VTI1A: variants seen among roughly 807,000 people sequenced by gnomAD.
VTI1A encodes the protein vesicle transport through interaction with t-SNAREs 1A.
VTI1A carries 22 observed loss-of-function variants against 34.9 expected under a neutral mutation model. That is an observed-to-expected ratio of 0.63 (90% CI 0.45 to 0.90). VTI1A has a LOEUF of 0.90. Among genes scored for constraint, VTI1A ranks in the 40% least tolerant of loss-of-function variants. The pLI, the probability that VTI1A is intolerant of heterozygous loss-of-function variation, is 0.00. For synonymous variants in VTI1A, 87 were observed against 97.3 expected (o/e 0.89, Z 0.62); for missense variants, 268 against 275.6 (o/e 0.97, Z 0.20).
chr10:112,669,501 G>A (rs1459828232), intron 7 of VTI1A, among the ~76,000 whole-genome samples: 2 of 152,132 alleles, frequency 1.3e-5, no homozygotes, highest in African/African-American at 4.8e-5. Flanking sequence ...AATAATATGT[G>A]CTAAGAAACA....
At chr10:112,712,491 C>G (rs142547146) in intron 7 of VTI1A, among the ~76,000 whole-genome samples, 1 of 151,358 alleles carries the variant, frequency 6.6e-6, no homozygotes, top group African/African-American at 2.4e-5. Flanking sequence ...CACACACACA[C>G]ACACACACAC....
At chr10:112,667,406 G>A (rs1309048589) in intron 5 of VTI1A, among the ~76,000 whole-genome samples, 1 of 152,124 alleles carries the variant, frequency 6.6e-6, no homozygotes. Flanking sequence ...ATGATGTCAA[G>A]CCATACCTAC....
intron 7 of VTI1A, among the ~76,000 whole-genome samples, chr10:112,722,850 T>C (rs1849862152): frequency 6.6e-6 from 1 of 152,226 alleles, no homozygotes; most frequent in Admixed American, 6.5e-5. Flanking sequence ...CAGTCTACTC[T>C]GAGCATGAGT....
intron 3 of VTI1A, among the ~76,000 whole-genome samples, chr10:112,473,275 A>G (rs1848162909): frequency 6.6e-6 from 1 of 151,658 alleles, no homozygotes; most frequent in African/African-American, 2.4e-5. Context: ...TGTCCAGCTA[A>G]TTTTTGTATT....
At chr10:112,651,313 CCT>C (rs1847007760) in intron 5 of VTI1A, among the ~76,000 whole-genome samples, 3 of 152,078 alleles carry the variant, frequency 2.0e-5, no homozygotes, top group African/African-American at 7.2e-5. Context: ...TGGAATAGCC[CCT>C]CTTTTATTTT....
chr10:112,692,625 T>C (rs1848648019), intron 7 of VTI1A, among the ~76,000 whole-genome samples: 1 of 152,250 alleles, frequency 6.6e-6, no homozygotes, highest in Non-Finnish European at 1.5e-5. Flanking sequence ...TATTTTTCCT[T>C]TAAATTGGCA....
intron 7 of VTI1A, among the ~76,000 whole-genome samples, chr10:112,776,215 T>C (rs1364560377): frequency 6.6e-6 from 1 of 152,212 alleles, no homozygotes; most frequent in Non-Finnish European, 1.5e-5. Flanking sequence ...CAGATCAGTG[T>C]GTTCAACACG....
rs562351233 is a variant in VTI1A, at chr10:112,611,976, C to T, written c.428-56242C>T. Among the ~76,000 whole-genome samples the T allele has an allele frequency of 1.7e-3, 265 of 152,068 alleles. 1 individual carries two copies. Among genetic ancestry groups the T allele is most frequent in the African/African-American group, 6.1e-3 (254 of 41,460 alleles). ...CAGGATGGTCTTGATCTCCTGACCTCGTGGTCCGCCCGCCTCGGCCTCCGA... is the reference window on the plus strand; with the variant it reads ...CAGGATGGTCTTGATCTCCTGACCTTGTGGTCCGCCCGCCTCGGCCTCCGA... On this transcript the variant is annotated intron_variant, in intron 5 of 7. Coordinates refer to ENST00000393077, the MANE Select transcript of VTI1A (RefSeq NM_145206.4).
chr10:112,688,435 A>T, intron 7 of VTI1A, among the ~76,000 whole-genome samples: 1 of 150,168 alleles, frequency 6.7e-6, no homozygotes, highest in Admixed American at 6.6e-5. Context: ...TTTTCTTCAT[A>T]TGGCTCTAAT....
chr10:112,502,668 T>C lies in VTI1A; in HGVS notation c.265-24419T>C, dbSNP rs11812656. 6.3e-3 allele frequency among the ~76,000 whole-genome samples: 954 copies of C among 152,314 alleles called. 16 individuals carry two copies. The highest frequency in any genetic ancestry group is 0.022 in the African/African-American group (910 of 41,564). ...CTCTCTTCATTTTCTTCCCAACTCGTGCTTATGACCAGAAGCATGAGCATA... is the reference window on the plus strand; with the variant it reads ...CTCTCTTCATTTTCTTCCCAACTCGCGCTTATGACCAGAAGCATGAGCATA... On this transcript the variant is annotated intron_variant, in intron 3 of 7. Coordinates refer to ENST00000393077, the MANE Select transcript of VTI1A (RefSeq NM_145206.4).
At chr10:112,453,846 C>T (rs779411792) in intron 1 of VTI1A, among the ~76,000 whole-genome samples, 8 of 152,106 alleles carry the variant, frequency 5.3e-5, no homozygotes, top group Admixed American at 6.5e-5. Context: ...ACATTACTCC[C>T]GGGGTGTTGT....
intron 7 of VTI1A, among the ~76,000 whole-genome samples, chr10:112,753,215 C>A (rs559099593): frequency 7.5e-4 from 114 of 151,648 alleles, no homozygotes; most frequent in Non-Finnish European, 1.4e-3. Flanking sequence ...AAAAAATAAT[C>A]CTTTGCCAGG....
At chr10:112,569,408 C>T (rs1182303240) in intron 5 of VTI1A, among the ~76,000 whole-genome samples, 1 of 152,044 alleles carries the variant, frequency 6.6e-6, no homozygotes, top group African/African-American at 2.4e-5. Context: ...AAAGTCAAAT[C>T]CTTTACTTTT....
At chr10:112,521,860 G>A (rs1429123989) in intron 3 of VTI1A, among the ~76,000 whole-genome samples, 1 of 151,904 alleles carries the variant, frequency 6.6e-6, no homozygotes, top group Non-Finnish European at 1.5e-5. Context: ...TTTCTGGACT[G>A]TGTAAGCTTT....
At chr10:112,523,907 A>G (rs1023883919) in intron 3 of VTI1A, among the ~76,000 whole-genome samples, 2 of 152,148 alleles carry the variant, frequency 1.3e-5, no homozygotes, top group Non-Finnish European at 2.9e-5. Context: ...CGAATTTTAT[A>G]CCGTTGATAA....
intron 7 of VTI1A, among the ~76,000 whole-genome samples, chr10:112,776,474 A>G (rs1461210862): frequency 6.6e-6 from 1 of 152,118 alleles, no homozygotes; most frequent in Non-Finnish European, 1.5e-5. Flanking sequence ...CGGAAACAAG[A>G]TGGTTATGAG....
At chr10:112,628,164 T>G (rs192486701) in intron 5 of VTI1A, among the ~76,000 whole-genome samples, 1 of 152,332 alleles carries the variant, frequency 6.6e-6, no homozygotes, top group East Asian at 1.9e-4. Flanking sequence ...CTAAATTATT[T>G]CCTAGTGACT....
chr10:112,783,810 C>T (rs979499685), intron 7 of VTI1A, among the ~76,000 whole-genome samples: 4 of 152,184 alleles, frequency 2.6e-5, no homozygotes, highest in South Asian at 2.1e-4. Context: ...GGTGCTGAGC[C>T]GATTCCAGCA....
chr10:112,502,246 T>C (rs1309823581), intron 3 of VTI1A, among the ~76,000 whole-genome samples: 1 of 152,018 alleles, frequency 6.6e-6, no homozygotes, highest in African/African-American at 2.4e-5. Flanking sequence ...TTGCCTGGGC[T>C]GGTCTCCAAC....
Sources: gnomAD v4.1 joint callset for allele counts (sites outside exome capture counted in the v4.1 genomes callset) on GRCh38, gnomAD v4.1.1 for gene constraint, MANE v1.5 for transcripts, NCBI Gene and HGNC (gene_info 2026-07-23, HGNC 2026-07-21) for gene names.